CTNNA2: variants seen among roughly 807,000 people sequenced by gnomAD.
CTNNA2 encodes catenin alpha 2.
A neutral mutation model predicts 101.0 loss-of-function variants in CTNNA2; 42 were observed. The observed-to-expected ratio is 0.42, with a 90% CI of 0.32 to 0.54. The LOEUF is 0.54. Among genes scored for constraint, CTNNA2 ranks in the 20% least tolerant of loss-of-function variants. The probability of loss-of-function intolerance (pLI) is 0.14; values close to 1 mark genes in which losing one functional copy is unlikely to be tolerated. For missense variants in CTNNA2, 871 were observed against 1,223.1 expected, an observed-to-expected ratio of 0.71 and a Z score of 4.29; for synonymous variants, 450 against 456.4, an observed-to-expected ratio of 0.99 and a Z score of 0.18.
intron 3 of CTNNA2, among the ~76,000 whole-genome samples, chr2:79,831,010 T>C (rs1258480182): frequency 1.3e-5 from 2 of 152,188 alleles, no homozygotes; most frequent in African/African-American, 4.8e-5. Flanking sequence ...ATTACAAATA[T>C]GACATTGCCA....
At chr2:79,828,353 C>G (rs1678603594) in intron 3 of CTNNA2, among the ~76,000 whole-genome samples, 1 of 152,008 alleles carries the variant, frequency 6.6e-6, no homozygotes, top group Non-Finnish European at 1.5e-5. Flanking sequence ...TATTTTTGTC[C>G]ATTTATAAGC....
intron 3 of CTNNA2, among the ~76,000 whole-genome samples, chr2:79,747,005 C>A (rs1439110483): frequency 6.6e-6 from 1 of 152,104 alleles, no homozygotes; most frequent in Non-Finnish European, 1.5e-5. Flanking sequence ...GCAAACCTAC[C>A]ACTGTATCAA....
intron 6 of CTNNA2, among the ~76,000 whole-genome samples, chr2:79,904,358 C>T (rs1202971177): frequency 6.6e-6 from 1 of 152,082 alleles, no homozygotes; most frequent in Admixed American, 6.6e-5. Context: ...TGATTATACT[C>T]TCAGTTATCT....
intron 17 of CTNNA2, among the ~76,000 whole-genome samples, chr2:80,613,436 G>A (rs1259709627): frequency 2.0e-5 from 3 of 151,330 alleles, no homozygotes; most frequent in Non-Finnish European, 4.4e-5. Context: ...TAATGAGAAA[G>A]TAAAAATTTC....
chr2:80,508,674 CA>C (rs34023586), intron 9 of CTNNA2, among the ~76,000 whole-genome samples: 30,579 of 110,422 alleles, frequency 0.28, 3,056 homozygotes, highest in Middle Eastern at 0.33. Context: ...GGGATTTATG[CA>C]AAAAAAAAAA....
intron 7 of CTNNA2, among the ~76,000 whole-genome samples, chr2:80,292,492 G>C (rs1553484951): frequency 6.6e-6 from 1 of 152,064 alleles, no homozygotes; most frequent in Non-Finnish European, 1.5e-5. Context: ...AGGGATGAAG[G>C]CTTTTTGCAG....
At chr2:80,584,147 G>T (rs1230748292) in intron 14 of CTNNA2, among the ~76,000 whole-genome samples, 1 of 152,106 alleles carries the variant, frequency 6.6e-6, no homozygotes, top group East Asian at 1.9e-4. Context: ...TGCTAAGTTG[G>T]TCCAAATTTT....
chr2:80,386,954 C>T (rs1364576762), intron 7 of CTNNA2, among the ~76,000 whole-genome samples: 1 of 152,120 alleles, frequency 6.6e-6, no homozygotes, highest in Non-Finnish European at 1.5e-5. Flanking sequence ...ATTCCCAGGG[C>T]TTCCATGAGA....
intron 9 of CTNNA2, among the ~76,000 whole-genome samples, chr2:80,483,151 A>G (rs943984610): frequency 3.3e-5 from 5 of 152,142 alleles, no homozygotes; most frequent in African/African-American, 1.2e-4. Flanking sequence ...TGAGCTCTAG[A>G]AGTAGTGAAC....
intron 4 of CTNNA2, among the ~76,000 whole-genome samples, chr2:79,503,414 C>G (rs1358134630): frequency 6.6e-6 from 1 of 152,152 alleles, no homozygotes; most frequent in Non-Finnish European, 1.5e-5. Flanking sequence ...TATTCACCAT[C>G]AAGACGTTCT....
chr2:79,480,776 A>T (rs1671101255), intron 4 of CTNNA2, among the ~76,000 whole-genome samples: 1 of 152,142 alleles, frequency 6.6e-6, no homozygotes, highest in Non-Finnish European at 1.5e-5. Context: ...AATCTCTTTG[A>T]ATGCAGCAAC....
At chr2:79,388,208 T>G (rs1678126804) in intron 4 of CTNNA2, among the ~76,000 whole-genome samples, 1 of 152,212 alleles carries the variant, frequency 6.6e-6, no homozygotes, top group South Asian at 2.1e-4. Flanking sequence ...TCCACATTAT[T>G]TATCCAGCAT....
intron 5 of CTNNA2, among the ~76,000 whole-genome samples, chr2:79,507,156 T>C (rs934246188): frequency 3.9e-5 from 6 of 152,160 alleles, no homozygotes; most frequent in Admixed American, 1.3e-4. Context: ...AGTTTTGCCA[T>C]CTGAAAAATA....
chr2:79,793,118 A>C (rs1675415659), intron 3 of CTNNA2, among the ~76,000 whole-genome samples: 1 of 152,182 alleles, frequency 6.6e-6, no homozygotes, highest in Non-Finnish European at 1.5e-5. Context: ...GGTGAGCAGC[A>C]TGGAGACATT....
intron 4 of CTNNA2, among the ~76,000 whole-genome samples, chr2:79,384,964 T>A (rs1361031550): frequency 6.6e-6 from 1 of 152,208 alleles, no homozygotes; most frequent in Non-Finnish European, 1.5e-5. Context: ...ACATTTTTTA[T>A]CCTTAGATAC....
At chr2:80,153,045 TCCTGCTCC>T (rs1703800565) in intron 7 of CTNNA2, among the ~76,000 whole-genome samples, 1 of 152,188 alleles carries the variant, frequency 6.6e-6, no homozygotes, top group Non-Finnish European at 1.5e-5. Context: ...GACTTTTTCT[TCCTGCTCC>T]CGCAGAACAC....
At chr2:80,398,387 T>C (rs547613197) in intron 8 of CTNNA2, among the ~76,000 whole-genome samples, 1 of 152,330 alleles carries the variant, frequency 6.6e-6, no homozygotes, top group South Asian at 2.1e-4. Context: ...TTCCTCCAAG[T>C]GTTAAGGTTT....
At chr2:79,374,372 C>T (rs1001590707) in intron 4 of CTNNA2, among the ~76,000 whole-genome samples, 2 of 152,130 alleles carry the variant, frequency 1.3e-5, no homozygotes, top group African/African-American at 2.4e-5. Flanking sequence ...AATAATGGGG[C>T]GACTTCATAC....
At chr2:80,135,956 G>T (rs1483749032) in intron 7 of CTNNA2, among the ~76,000 whole-genome samples, 1 of 152,120 alleles carries the variant, frequency 6.6e-6, no homozygotes, top group Non-Finnish European at 1.5e-5. Flanking sequence ...GTAAAAGGCA[G>T]TGTGGTATAG....
Sources: gnomAD v4.1 joint callset for allele counts (sites outside exome capture counted in the v4.1 genomes callset) on GRCh38, gnomAD v4.1.1 for gene constraint, MANE v1.5 for transcripts, NCBI Gene and HGNC (gene_info 2026-07-23, HGNC 2026-07-21) for gene names.